The following QKI variants were observed in gnomAD, a reference collection of about 807,000 sequenced individuals.
The protein encoded by QKI is QKI, KH domain containing RNA binding, also known as KH domain-containing RNA-binding protein QKI.
QKI carries 10 observed loss-of-function variants against 39.0 expected under a neutral mutation model. That is an observed-to-expected ratio of 0.26 (90% CI 0.16 to 0.43). The LOEUF (loss-of-function observed/expected upper bound fraction) is 0.43. QKI is among the 20% of genes least tolerant of loss of function. The pLI, the probability that QKI is intolerant of heterozygous loss-of-function variation, is 1.00. For missense variants in QKI, 218 were observed against 428.0 expected (o/e 0.51, Z 4.33); for synonymous variants, 204 against 155.4 (o/e 1.31, Z -2.33).
chr6:163,480,275 C>T (rs368899670), intron 3 of QKI, among the ~76,000 whole-genome samples: 7 of 151,754 alleles, frequency 4.6e-5, no homozygotes, highest in African/African-American at 1.5e-4. Flanking sequence ...CTCTCTCTCT[C>T]TCTTTCTTCC....
intron 2 of QKI, among the ~76,000 whole-genome samples, chr6:163,466,467 A>G (rs1216236440): frequency 6.6e-6 from 1 of 152,094 alleles, no homozygotes; most frequent in East Asian, 1.9e-4. Context: ...AAAGCTGAAG[A>G]CATTGCAGTT....
chr6:163,508,079 G>T (rs1433808503), intron 3 of QKI, among the ~76,000 whole-genome samples: 1 of 151,806 alleles, frequency 6.6e-6, no homozygotes, highest in African/African-American at 2.4e-5. Context: ...TGAATTTGAA[G>T]AAAGAGCAAT....
intron 7 of QKI, chr6:163,567,388 C>G: frequency 2.0e-6 from 2 of 985,084 alleles, no homozygotes; most frequent in Non-Finnish European, 2.4e-6. Context: ...TAAATTAGAG[C>G]GTCAATTCCC....
rs34303940 is a variant in QKI, at chr6:163,541,498, C to CTTT, written c.546+6384_546+6386dup. 4.9e-3 allele frequency among the ~76,000 whole-genome samples: 693 copies of CTTT among 142,420 alleles called. 8 individuals carry two copies. Among genetic ancestry groups the CTTT allele is most frequent in the African/African-American group, 0.01 (396 of 38,974 alleles). The allele number at this position is 142,420 out of a possible 152,430, so 93.4% of individuals were successfully genotyped here. ...ACTCAGATCTTCTCCTATGTCTACC[C>CTTT]TTTTTTTTTTTTTCCTTTTCTCTAG... On this transcript the variant is annotated intron_variant, in intron 4 of 7. Transcript: ENST00000361752.
chr6:163,427,753 A>G (rs776070130), intron 1 of QKI, among the ~76,000 whole-genome samples: 4 of 152,100 alleles, frequency 2.6e-5, no homozygotes, highest in Non-Finnish European at 5.9e-5. Context: ...TGTTTATACT[A>G]GTGCTTTGTA....
Position 163,534,956 on chromosome 6 carries a change from A to T in QKI, c.403-26A>T, listed in dbSNP as rs201977808. Reference sequence around the variant, plus strand: ...CTCTCTCTTTAAAGAGAATAATTTTAATCATGTACTCTGTAAATTTTTTAG... The same window carrying T: ...CTCTCTCTTTAAAGAGAATAATTTTTATCATGTACTCTGTAAATTTTTTAG... On this transcript the variant is annotated intron_variant, in intron 3 of 7. Coordinates refer to ENST00000361752, the MANE Select transcript of QKI (RefSeq NM_006775.3). The T allele has an allele frequency of 1.1e-3, 1,759 of 1,545,968 alleles. 1 individual carries two copies. The highest frequency in any genetic ancestry group is 1.4e-3 in the Non-Finnish European group (1,629 of 1,141,530).
chr6:163,489,041 C>G (rs1291102912), intron 3 of QKI, among the ~76,000 whole-genome samples: 1 of 137,188 alleles, frequency 7.3e-6, no homozygotes. Flanking sequence ...TGTATAATTT[C>G]TCACTCTTCA....
intron 4 of QKI, among the ~76,000 whole-genome samples, chr6:163,555,509 C>CAA (rs55958646): frequency 0.085 from 6,748 of 78,974 alleles, 730 homozygotes; most frequent in African/African-American, 0.16. Context: ...AACTCCAGCT[C>CAA]AAAAAAAAAA....
At chr6:163,517,458 C>G (rs543616968) in intron 3 of QKI, among the ~76,000 whole-genome samples, 18 of 151,570 alleles carry the variant, frequency 1.2e-4, no homozygotes, top group African/African-American at 3.9e-4. Flanking sequence ...GCTCTTTTGG[C>G]TCAGGCTGGA....
At chr6:163,521,704 G>A (rs112850583) in intron 3 of QKI, among the ~76,000 whole-genome samples, 2 of 152,142 alleles carry the variant, frequency 1.3e-5, no homozygotes, top group African/African-American at 4.8e-5. Context: ...TGTACTTTTA[G>A]TAGACAGGGT....
intron 4 of QKI, among the ~76,000 whole-genome samples, chr6:163,544,516 GATGA>G (rs760886976): frequency 7.9e-5 from 12 of 152,024 alleles, no homozygotes; most frequent in Non-Finnish European, 7.4e-5. Flanking sequence ...TGTCTAAGGT[GATGA>G]ACATCACTTA....
At chr6:163,503,891 C>G (rs1026005673) in intron 3 of QKI, among the ~76,000 whole-genome samples, 3 of 151,860 alleles carry the variant, frequency 2.0e-5, no homozygotes, top group African/African-American at 7.3e-5. Flanking sequence ...AGGCGCCCAC[C>G]ACCACACCGG....
Position 163,563,583 on chromosome 6 carries a change from A to T in QKI, c.798A>T (p.Gly266=). ...RQIQTAVMPN[G]TPHPTAAIVP... ...TACAGACCGCTGTCATGCCAAACGG[A>T]ACTCCTCACCCAACTGCTGCAATAG... The change falls in exon 6 of 8, where the codon GGA becomes GGT. Residue 266 remains glycine (G), a synonymous_variant. Transcript: ENST00000361752. The T allele has an allele frequency of 6.2e-7, 1 of 1,614,126 alleles. No homozygotes were observed. Among genetic ancestry groups the T allele is most frequent in the Non-Finnish European group, 8.5e-7 (1 of 1,180,026 alleles).
intron 1 of QKI, among the ~76,000 whole-genome samples, chr6:163,443,754 C>T (rs1033334112): frequency 2.0e-5 from 3 of 152,100 alleles, no homozygotes; most frequent in African/African-American, 7.2e-5. Flanking sequence ...TGATTATAAA[C>T]CTTAGGTTCT....
intron 4 of QKI, among the ~76,000 whole-genome samples, chr6:163,557,576 C>T (rs901496316): frequency 7.2e-5 from 11 of 151,856 alleles, no homozygotes; most frequent in Middle Eastern, 3.4e-3. Context: ...TTGACGGGTA[C>T]GATAATATAG....
intron 3 of QKI, among the ~76,000 whole-genome samples, chr6:163,520,419 AT>A (rs556422234): frequency 3.2e-4 from 48 of 152,168 alleles, no homozygotes; most frequent in African/African-American, 9.9e-4. Flanking sequence ...GAAGTTCAGG[AT>A]TTTTTTTAAA....
At position 163,573,103 on chromosome 6, in the gene QKI, G is replaced by A. The variant is rs1783797508; in HGVS notation, c.*2393G>A. 6.6e-6 allele frequency: 1 copy of A among 152,130 alleles called. No homozygotes were observed. Among genetic ancestry groups the A allele is most frequent in the Non-Finnish European group, 1.5e-5 (1 of 68,018 alleles). The allele number at this position is 152,130 out of a possible 1,614,324, so 9.4% of individuals were successfully genotyped here. ...GTCTTTTATGGGGAAGAAAGTAAAT[G>A]TATGAAATAATAAATGTGTGACATT... On this transcript the variant is annotated 3_prime_UTR_variant, in exon 8 of 8. Transcript: ENST00000361752.
chr6:163,566,675 T>A (rs767144202), intron 6 of QKI, 46 bp from the exon 7 acceptor site: 1 of 1,605,652 alleles, frequency 6.2e-7, no homozygotes, highest in South Asian at 1.1e-5. Context: ...TTTTCCCCCC[T>A]TGTGAATGTT....
At chr6:163,423,085 C>G (rs989324820) in intron 1 of QKI, 2 of 152,184 alleles carry the variant, frequency 1.3e-5, no homozygotes, top group African/African-American at 2.4e-5. Flanking sequence ...ATCACGAGGT[C>G]AAGATTTCGA....
Sources: gnomAD v4.1 joint callset for allele counts (sites outside exome capture counted in the v4.1 genomes callset) on GRCh38, gnomAD v4.1.1 for gene constraint, MANE v1.5 for transcripts, NCBI Gene and HGNC (gene_info 2026-07-23, HGNC 2026-07-21) for gene names.